Variants in PDE3A observed in about 807,000 individuals in gnomAD.
The protein encoded by PDE3A is phosphodiesterase 3A.
Under a neutral mutation model 98.3 loss-of-function variants are expected in PDE3A, and 43 were observed. The ratio of observed to expected loss-of-function variants is 0.44; its 90% CI spans 0.34 to 0.56. The LOEUF is 0.56. Among genes scored for constraint, PDE3A ranks in the 20% least tolerant of loss-of-function variants. The probability of loss-of-function intolerance (pLI) is 0.01; values close to 1 mark genes in which losing one functional copy is unlikely to be tolerated. For missense variants in PDE3A, 1,427 were observed against 1,440.7 expected, an observed-to-expected ratio of 0.99 and a Z score of 0.15; for synonymous variants, 663 against 567.9, an observed-to-expected ratio of 1.17 and a Z score of -2.38.
At chr12:20,569,790 A>C (rs1296492706) in intron 2 of PDE3A, among the ~76,000 whole-genome samples, 1 of 152,220 alleles carries the variant, frequency 6.6e-6, no homozygotes, top group Non-Finnish European at 1.5e-5. Flanking sequence ...AAGCAAATGA[A>C]GAAACAAAAA....
At chr12:20,595,467 C>T (rs905285177) in intron 2 of PDE3A, among the ~76,000 whole-genome samples, 2 of 152,068 alleles carry the variant, frequency 1.3e-5, no homozygotes, top group African/African-American at 4.8e-5. Flanking sequence ...TTAGACATTT[C>T]CAAATGTCTT....
At chr12:20,426,198 C>G (rs1944598953) in intron 1 of PDE3A, among the ~76,000 whole-genome samples, 1 of 152,214 alleles carries the variant, frequency 6.6e-6, no homozygotes, top group African/African-American at 2.4e-5. Context: ...ATATTTATCC[C>G]TCATTCAGGC....
chr12:20,675,029 G>A (rs539973152), intron 15 of PDE3A, among the ~76,000 whole-genome samples: 1 of 151,672 alleles, frequency 6.6e-6, no homozygotes, highest in Non-Finnish European at 1.5e-5. Context: ...TGCATTATTA[G>A]GTTGCTTATT....
intron 1 of PDE3A, among the ~76,000 whole-genome samples, chr12:20,447,958 A>C (rs1049701711): frequency 1.3e-5 from 2 of 152,142 alleles, no homozygotes; most frequent in Admixed American, 6.5e-5. Context: ...CTGTTGAAGA[A>C]TCTTTTGTCA....
At position 20,472,564 on chromosome 12, in the gene PDE3A, A is replaced by T. The variant is rs143202058; in HGVS notation, c.961-84096A>T. ...CTGTCTCTGAATCTAGTCATCCCTC[A>T]GGGGTTTTATTAATCTAAATGACCA... On this transcript the variant is annotated intron_variant, in intron 1 of 15. Transcript: ENST00000359062. Among the ~76,000 whole-genome samples, 549 of 129,262 alleles carry T rather than the reference A, an allele frequency of 4.2e-3. 5 individuals carry two copies. The highest frequency in any genetic ancestry group is 0.016 in the African/African-American group (515 of 32,924). The allele number at this position is 129,262 out of a possible 152,430, so 84.8% of individuals were successfully genotyped here. A position where few individuals can be genotyped will look rare whatever the true frequency, so the allele number is the denominator to read the frequency against.
chr12:20,641,236 G>C (rs1944641991), intron 10 of PDE3A, among the ~76,000 whole-genome samples: 1 of 152,118 alleles, frequency 6.6e-6, no homozygotes, highest in Non-Finnish European at 1.5e-5. Context: ...AATACAGACA[G>C]AGTAAGGCAG....
At chr12:20,676,442 T>G (rs569636055) in intron 15 of PDE3A, among the ~76,000 whole-genome samples, 2 of 152,172 alleles carry the variant, frequency 1.3e-5, no homozygotes, top group African/African-American at 4.8e-5. Context: ...TGGAGTTTCC[T>G]TATAAGTTAC....
At chr12:20,599,202 C>T (rs770860793) in intron 2 of PDE3A, among the ~76,000 whole-genome samples, 3 of 152,082 alleles carry the variant, frequency 2.0e-5, no homozygotes, top group Non-Finnish European at 2.9e-5. Context: ...ATGCTTCTTC[C>T]AGCTTTTCTG....
chr12:20,417,538 G>A (rs1277631926), intron 1 of PDE3A, among the ~76,000 whole-genome samples: 5 of 152,112 alleles, frequency 3.3e-5, no homozygotes, highest in African/African-American at 9.7e-5. Context: ...CTTTTGTCTG[G>A]CAAAGGTTGT....
At chr12:20,395,160 A>G (rs536054874) in intron 1 of PDE3A, among the ~76,000 whole-genome samples, 1 of 152,102 alleles carries the variant, frequency 6.6e-6, no homozygotes, top group East Asian at 1.9e-4. Flanking sequence ...CTTGTTAGCC[A>G]TGTGGTCTTG....
intron 2 of PDE3A, among the ~76,000 whole-genome samples, chr12:20,612,029 G>A (rs1024606461): frequency 6.6e-6 from 1 of 151,698 alleles, no homozygotes; most frequent in Non-Finnish European, 1.5e-5. Flanking sequence ...TATGTATGTT[G>A]TTTTGCTGGA....
At chr12:20,401,196 C>G (rs1005262596) in intron 1 of PDE3A, among the ~76,000 whole-genome samples, 1 of 152,176 alleles carries the variant, frequency 6.6e-6, no homozygotes, top group African/African-American at 2.4e-5. Flanking sequence ...TGGGCTGTTG[C>G]AGTAACTTCT....
At chr12:20,582,049 T>A (rs1187642970) in intron 2 of PDE3A, among the ~76,000 whole-genome samples, 1 of 152,120 alleles carries the variant, frequency 6.6e-6, no homozygotes, top group Non-Finnish European at 1.5e-5. Context: ...TTTTTTTTAA[T>A]TTTCCAAACT....
chr12:20,633,866 T>G, intron 7 of PDE3A, 88 bp downstream of exon 7: 1 of 748,124 alleles, frequency 1.3e-6, no homozygotes, highest in Non-Finnish European at 2.2e-6. Flanking sequence ...ACATTTCTGA[T>G]ATTTTGTGGG....
intron 1 of PDE3A, among the ~76,000 whole-genome samples, chr12:20,452,765 A>G (rs556997823): frequency 6.6e-6 from 1 of 152,268 alleles, no homozygotes; most frequent in East Asian, 1.9e-4. Flanking sequence ...CTTGAACTTA[A>G]TGATAGACAT....
chr12:20,419,181 G>T (rs1390975518), intron 1 of PDE3A, among the ~76,000 whole-genome samples: 3 of 152,156 alleles, frequency 2.0e-5, no homozygotes, highest in Admixed American at 6.5e-5. Context: ...TTTTTAAAGT[G>T]CCCTGTGACA....
At position 20,607,552 on chromosome 12, in the gene PDE3A, C is replaced by A. The variant is rs547781255; in HGVS notation, c.1012-5891C>A. 2.0e-5 allele frequency among the ~76,000 whole-genome samples: 3 copies of A among 151,914 alleles called. No homozygotes were observed. In the South Asian group the frequency reaches 6.2e-4, roughly 31 times the overall value. On this transcript the variant is annotated intron_variant, in intron 2 of 15. Coordinates refer to ENST00000359062, the MANE Select transcript of PDE3A (RefSeq NM_000921.5). ...AACCGCACTTTCCTCCACTGTTTAT[C>A]GTACTGAAATGCCACATTTTCTATT...
At chr12:20,407,256 T>A (rs894332873) in intron 1 of PDE3A, among the ~76,000 whole-genome samples, 1 of 152,234 alleles carries the variant, frequency 6.6e-6, no homozygotes, top group Non-Finnish European at 1.5e-5. Context: ...AATCTTGAGA[T>A]AATTTGCTTA....
chr12:20,615,369 G>A (rs1278962894), intron 3 of PDE3A, among the ~76,000 whole-genome samples: 1 of 152,166 alleles, frequency 6.6e-6, no homozygotes, highest in Non-Finnish European at 1.5e-5. Context: ...CTCCTATTAA[G>A]AGGAGTTGAC....
Sources: gnomAD v4.1 joint callset for allele counts (sites outside exome capture counted in the v4.1 genomes callset) on GRCh38, gnomAD v4.1.1 for gene constraint, MANE v1.5 for transcripts, NCBI Gene and HGNC (gene_info 2026-07-23, HGNC 2026-07-21) for gene names.